Variants in WDR74 observed in about 807,000 individuals in gnomAD.
WDR74 encodes WD repeat domain 74.
In WDR74, 31 loss-of-function variants were observed where a neutral mutation model predicts 45.6. The observed-to-expected ratio is 0.68, with a 90% CI of 0.51 to 0.92. The LOEUF (loss-of-function observed/expected upper bound fraction) is 0.92, where lower values mean the gene tolerates loss of function less well. Ranked by LOEUF, WDR74 falls within the 40% of genes least tolerant of loss-of-function variation. The pLI is 0.00. For missense variants in WDR74, 455 were observed against 497.2 expected (o/e 0.92, Z 0.81); for synonymous variants, 191 against 192.4 (o/e 0.99, Z 0.06).
chr11:62,833,312 A>T (rs1401427655), intron 10 of WDR74, among the ~76,000 whole-genome samples, 181 bp from the exon 11 acceptor site: 1 of 150,608 alleles, frequency 6.6e-6, no homozygotes, highest in Non-Finnish European at 1.5e-5. Context: ...AAAAAAAAAA[A>T]AAAAAAAAAA....
chr11:62,834,816 T>C (rs539564621), intron 6 of WDR74: 1 of 432,418 alleles, frequency 2.3e-6, no homozygotes, highest in Non-Finnish European at 4.2e-6. Context: ...GAAAAGCAAG[T>C]TGGTCTAGTA....
intron 2 of WDR74, 35 bp downstream of exon 2, chr11:62,839,287 G>A: frequency 6.2e-7 from 1 of 1,611,278 alleles, no homozygotes; most frequent in Non-Finnish European, 8.5e-7. Flanking sequence ...CTGCGCCCCA[G>A]GCCCCCAGCT....
rs2134877791 is a variant in WDR74 at position 62,833,665 on chromosome 11, T to G, written c.931A>C (p.Lys311Gln). Residue 311 changes from lysine to glutamine, a missense_variant, in exon 10 of 11, where the codon AAG (lysine) becomes CAG (glutamine). Lys to Gln is a moderately conservative substitution (Grantham distance 53). Transcript: ENST00000278856. ...AAGAGGAGGCAGTTCAATTGAGACT[T>G]GAGATAAACCTGCAAAAGATGAGGG... The part of the protein sequence containing the change: ...PRGLEHKVYL[K>Q]SQLNCLLLSG... 1 of 1,555,630 alleles carries G rather than the reference T, an allele frequency of 6.4e-7. No homozygotes were observed. Among genetic ancestry groups the G allele is most frequent in the East Asian group, 2.4e-5 (1 of 41,288 alleles).
At chr11:62,838,778 AAAAC>A (rs1306789320) in intron 3 of WDR74, among the ~76,000 whole-genome samples, 2 of 152,008 alleles carry the variant, frequency 1.3e-5, no homozygotes, top group African/African-American at 2.4e-5. Flanking sequence ...AAAAAAACAA[AAAAC>A]AAACACACAC....
intron 6 of WDR74, chr11:62,834,778 A>T: frequency 2.1e-6 from 1 of 484,444 alleles, no homozygotes. Context: ...ATCCCCCCAT[A>T]CTCCCATCTA....
intron 3 of WDR74, chr11:62,836,281 A>C (rs922273465): frequency 2.2e-6 from 1 of 459,548 alleles, no homozygotes; most frequent in African/African-American, 2.0e-5. Flanking sequence ...TGTTAATTCA[A>C]CTTTCTCAAC....
intron 3 of WDR74, among the ~76,000 whole-genome samples, chr11:62,837,797 A>G (rs1011581882): frequency 2.6e-5 from 4 of 152,216 alleles, no homozygotes; most frequent in Non-Finnish European, 4.4e-5. Flanking sequence ...CATCTTTGGA[A>G]GAAAGCAAGG....
upstream of WDR74, chr11:62,841,725 T>G (rs954294914): frequency 1.3e-5 from 2 of 152,198 alleles, no homozygotes; most frequent in African/African-American, 2.4e-5. Context: ...TTTAATATAT[T>G]GTCCTCGGAT....
At chr11:62,834,630 G>C in intron 6 of WDR74, 103 bp from the exon 7 acceptor site, 2 of 1,003,518 alleles carry the variant, frequency 2.0e-6, no homozygotes, top group Non-Finnish European at 2.9e-6. Flanking sequence ...TCTTATTTAT[G>C]ATCCACTCCC....
Position 62,834,538 on chromosome 11 carries a change from G to A in WDR74, c.619-11C>T. ...ATCATAAACACGGACCTAGAGGAAG[G>A]CTGAAGCATCACAAAAGTATCCTCA... On this transcript the variant is annotated splice_polypyrimidine_tract_variant and intron_variant, in intron 6 of 10. Coordinates refer to ENST00000278856, the MANE Select transcript of WDR74 (RefSeq NM_001369450.1). 1.9e-6 allele frequency: 3 copies of A among 1,601,614 alleles called. No individual in the cohort carries two copies. Among genetic ancestry groups the A allele is most frequent in the Non-Finnish European group, 2.5e-6 (3 of 1,177,842 alleles).
At chr11:62,834,719 A>G in intron 6 of WDR74, 192 bp from the exon 7 acceptor site, 1 of 596,158 alleles carries the variant, frequency 1.7e-6, no homozygotes, top group Non-Finnish European at 2.9e-6. Flanking sequence ...GCATAAATGG[A>G]CAGAGCTGAG....
chr11:62,840,656 C>T (rs2085032371), upstream of WDR74, among the ~76,000 whole-genome samples: 1 of 152,140 alleles, frequency 6.6e-6, no homozygotes, highest in Non-Finnish European at 1.5e-5. Flanking sequence ...TACAAGTAAA[C>T]CCTTTATCTA....
At position 62,833,203 on chromosome 11, in the gene WDR74, T is replaced by C. The variant is rs879125797; in HGVS notation, c.979-72A>G. The C allele has an allele frequency of 3.6e-5, 55 of 1,507,912 alleles. 1 individual carries two copies. In the South Asian group the frequency reaches 6.3e-4, roughly 17 times the overall value. 93.4% of individuals were successfully genotyped at this position (1,507,912 alleles called of 1,614,324 possible). On this transcript the variant is annotated intron_variant, in intron 10 of 10. Transcript: ENST00000278856. Reference sequence around the variant, plus strand: ...TGGCTCCCACCTGTAATCTCAGCACTTTGGGAGACCAAGGCAGGAGGATTG... The same window carrying C: ...TGGCTCCCACCTGTAATCTCAGCACCTTGGGAGACCAAGGCAGGAGGATTG...
chr11:62,839,736 G>A, upstream of WDR74: 2 of 815,336 alleles, frequency 2.5e-6, no homozygotes, highest in Non-Finnish European at 3.8e-6. Flanking sequence ...GGAGGTGCTT[G>A]TTTATGTAGA....
intron 5 of WDR74, 28 bp from the exon 6 acceptor site, chr11:62,835,560 G>A: frequency 6.2e-7 from 1 of 1,613,484 alleles, no homozygotes; most frequent in East Asian, 2.2e-5. Context: ...TGGAGGACAG[G>A]GCTATGGGGG....
intron 10 of WDR74, 36 bp from the exon 11 acceptor site, chr11:62,833,167 G>A: frequency 6.2e-7 from 1 of 1,602,048 alleles, no homozygotes; most frequent in Non-Finnish European, 8.5e-7. Context: ...AGTCAGGGGG[G>A]CCGGGCACGG....
chr11:62,835,335 G>T, intron 6 of WDR74, 96 bp downstream of exon 6: 1 of 1,148,740 alleles, frequency 8.7e-7, no homozygotes. Flanking sequence ...TCTGAACTCA[G>T]AATGGTGAGA....
Position 62,835,499 on chromosome 11 carries a change from T to G in WDR74, c.550A>C (p.Ile184Leu). ...RNDWLDLRVP[I>L]WDQDIQFLPG... ...AGAAACTGTATGTCCTGGTCCCAGATGGGAACCCGCAAGTCCAGCCAGTCA... is the reference window on the plus strand; with the variant it reads ...AGAAACTGTATGTCCTGGTCCCAGAGGGGAACCCGCAAGTCCAGCCAGTCA... The change falls in exon 6 of 11, where the codon ATC becomes CTC. Residue 184 changes from isoleucine to leucine, a missense_variant. Coordinates refer to ENST00000278856, the MANE Select transcript of WDR74 (RefSeq NM_001369450.1). 1 of 1,613,914 alleles carries G rather than the reference T, an allele frequency of 6.2e-7. No homozygotes were observed. The highest frequency in any genetic ancestry group is 8.5e-7 in the Non-Finnish European group (1 of 1,179,860).
At chr11:62,834,398 C>T (rs1565221026) in intron 7 of WDR74, 29 bp downstream of exon 7, 3 of 1,586,132 alleles carry the variant, frequency 1.9e-6, no homozygotes, top group Middle Eastern at 2.1e-4. Flanking sequence ...AAGCCCCACC[C>T]TCCCACCCCT....
Sources: gnomAD v4.1 joint callset for allele counts (sites outside exome capture counted in the v4.1 genomes callset) on GRCh38, gnomAD v4.1.1 for gene constraint, MANE v1.5 for transcripts, NCBI Gene and HGNC (gene_info 2026-07-23, HGNC 2026-07-21) for gene names.